Variants in CCDC83 observed in about 807,000 individuals in gnomAD.
CCDC83 encodes coiled-coil domain containing 83.
CCDC83 carries 54 observed loss-of-function variants against 50.1 expected under a neutral mutation model. That is an observed-to-expected ratio of 1.08 (90% CI 0.87 to 1.35). The LOEUF (loss-of-function observed/expected upper bound fraction) is 1.35, where lower values mean the gene tolerates loss of function less well. Among genes scored for constraint, CCDC83 ranks in the 40% most tolerant of loss-of-function variants. The pLI, the probability that CCDC83 is intolerant of heterozygous loss-of-function variation, is 0.00. For synonymous variants in CCDC83, 161 were observed against 153.3 expected (o/e 1.05, Z -0.37); for missense variants, 518 against 473.9 (o/e 1.09, Z -0.86).
chr11:85,916,429 T>C (rs951929558), intron 10 of CCDC83, 196 bp downstream of exon 10: 1 of 572,810 alleles, frequency 1.7e-6, no homozygotes, highest in African/African-American at 1.9e-5. Flanking sequence ...GCTACCTATA[T>C]TCCTCTATAG....
At chr11:85,913,157 G>T (rs766155329) in intron 8 of CCDC83, among the ~76,000 whole-genome samples, 1 of 152,206 alleles carries the variant, frequency 6.6e-6, no homozygotes, top group Non-Finnish European at 1.5e-5. Flanking sequence ...TGGAAGAAAT[G>T]AAGTCAAAAT....
At chr11:85,903,193 A>G (rs953004292) in intron 7 of CCDC83, among the ~76,000 whole-genome samples, 2 of 152,122 alleles carry the variant, frequency 1.3e-5, no homozygotes, top group African/African-American at 4.8e-5. Context: ...AGAGTGCACC[A>G]CTGCACTCCA....
At chr11:85,864,019 G>C (rs764697608) in intron 1 of CCDC83, among the ~76,000 whole-genome samples, 1 of 152,148 alleles carries the variant, frequency 6.6e-6, no homozygotes, top group Non-Finnish European at 1.5e-5. Context: ...TGATGCAACT[G>C]AAGTTCCTCA....
chr11:85,888,035 G>C (rs1163902009), intron 5 of CCDC83, among the ~76,000 whole-genome samples: 1 of 151,968 alleles, frequency 6.6e-6, no homozygotes, highest in Non-Finnish European at 1.5e-5. Flanking sequence ...TTTTTGACCA[G>C]TTTCTTACAC....
chr11:85,907,691 A>C (rs138546184), intron 7 of CCDC83, among the ~76,000 whole-genome samples: 3,146 of 152,286 alleles, frequency 0.021, 47 homozygotes, highest in Middle Eastern at 0.058. Context: ...GTTATGAAAA[A>C]GAAGTAGTTT....
intron 7 of CCDC83, among the ~76,000 whole-genome samples, chr11:85,910,037 TG>T (rs1474989271): frequency 6.6e-6 from 1 of 152,198 alleles, no homozygotes; most frequent in African/African-American, 2.4e-5. Context: ...CACACTAAAA[TG>T]GTCATGCCTT....
chr11:85,906,446 A>G (rs2135119940), intron 7 of CCDC83, among the ~76,000 whole-genome samples: 1 of 152,304 alleles, frequency 6.6e-6, no homozygotes, highest in East Asian at 1.9e-4. Context: ...TTTGACTAAT[A>G]AGAAGGGCTG....
At chr11:85,917,158 G>GGCA (rs1565159892) in intron 10 of CCDC83, among the ~76,000 whole-genome samples, 12 of 66,818 alleles carry the variant, frequency 1.8e-4, no homozygotes, top group African/African-American at 5.3e-4. Flanking sequence ...GAGAGAGAGA[G>GGCA]AGAGAGAGAG....
At chr11:85,878,055 A>G (rs1439782715) in intron 3 of CCDC83, among the ~76,000 whole-genome samples, 1 of 152,218 alleles carries the variant, frequency 6.6e-6, no homozygotes, top group African/African-American at 2.4e-5. Context: ...GTTAAAGAGT[A>G]GTAAATTATT....
intron 7 of CCDC83, among the ~76,000 whole-genome samples, chr11:85,905,552 G>C (rs11825378): frequency 0.01 from 1,548 of 151,812 alleles, 19 homozygotes; most frequent in African/African-American, 0.03. Flanking sequence ...GGAGGTTGCA[G>C]TGAGCAGAGA....
chr11:85,912,655 A>G, intron 8 of CCDC83: 1 of 1,595,720 alleles, frequency 6.3e-7, no homozygotes, highest in South Asian at 1.1e-5. Context: ...TCAGGTATCC[A>G]GTGCTACATT....
At chr11:85,913,070 A>G (rs531051894) in intron 8 of CCDC83, among the ~76,000 whole-genome samples, 47 of 152,328 alleles carry the variant, frequency 3.1e-4, no homozygotes, top group African/African-American at 1.0e-3. Flanking sequence ...AATCTTCTGT[A>G]AAATCCACAC....
Position 85,895,350 on chromosome 11 carries a change from T to A in CCDC83, c.569T>A (p.Leu190Ter). The A allele has an allele frequency of 6.3e-7, 1 of 1,585,686 alleles. No homozygotes were observed. The highest frequency in any genetic ancestry group is 8.6e-7 in the Non-Finnish European group (1 of 1,161,804). Residue 190 changes from leucine to a stop codon, truncating the protein, a stop_gained, in exon 6 of 11, where the codon TTG (leucine) becomes TAG (stop). Transcript: ENST00000342404. LOFTEE classifies it high-confidence loss of function. ...TRKKIIKETL[L>*]QLDQKKEWAT... ...AAGAAAATAATCAAGGAAACTTTGT[T>A]GCAACTGGACCAAAAGAAGGAATGG...
intron 4 of CCDC83, among the ~76,000 whole-genome samples, chr11:85,884,064 T>A (rs2093314698): frequency 6.6e-6 from 1 of 152,226 alleles, no homozygotes; most frequent in Non-Finnish European, 1.5e-5. Context: ...GATGCTCAGC[T>A]GTGCTCGCTA....
At chr11:85,882,944 G>A (rs1336433561) in intron 4 of CCDC83, among the ~76,000 whole-genome samples, 1 of 152,098 alleles carries the variant, frequency 6.6e-6, no homozygotes, top group Non-Finnish European at 1.5e-5. Flanking sequence ...TTGGGATAGG[G>A]TGTAGTTCAG....
intron 3 of CCDC83, among the ~76,000 whole-genome samples, chr11:85,873,989 T>G (rs2093255081): frequency 6.6e-6 from 1 of 152,222 alleles, no homozygotes; most frequent in South Asian, 2.1e-4. Flanking sequence ...AAAAAGAATA[T>G]ATCTACAAAT....
At chr11:85,902,555 C>T (rs907062024) in intron 7 of CCDC83, among the ~76,000 whole-genome samples, 2 of 152,162 alleles carry the variant, frequency 1.3e-5, no homozygotes, top group Non-Finnish European at 2.9e-5. Flanking sequence ...ATTCAACAAC[C>T]AGCTGTGCAA....
chr11:85,880,546 G>C (rs1422047179), intron 3 of CCDC83, among the ~76,000 whole-genome samples: 1 of 151,816 alleles, frequency 6.6e-6, no homozygotes, highest in Non-Finnish European at 1.5e-5. Flanking sequence ...AAAGTGCAGG[G>C]ATTACAGGCA....
intron 2 of CCDC83, among the ~76,000 whole-genome samples, chr11:85,868,034 G>A (rs1025451510): frequency 4.6e-5 from 7 of 152,100 alleles, no homozygotes; most frequent in Non-Finnish European, 8.8e-5. Context: ...GTTCCCTGGC[G>A]CCTCTTATAT....
Sources: gnomAD v4.1 joint callset for allele counts (sites outside exome capture counted in the v4.1 genomes callset) on GRCh38, gnomAD v4.1.1 for gene constraint, MANE v1.5 for transcripts, NCBI Gene and HGNC (gene_info 2026-07-23, HGNC 2026-07-21) for gene names.